SLC2A13: variants seen among roughly 807,000 people sequenced by gnomAD.
The protein encoded by SLC2A13 is solute carrier family 2 member 13.
SLC2A13 carries 32 observed loss-of-function variants against 64.4 expected under a neutral mutation model. The ratio of observed to expected loss-of-function variants is 0.50; its 90% confidence interval spans 0.37 to 0.67. The LOEUF (loss-of-function observed/expected upper bound fraction) is 0.67, where lower values mean the gene tolerates loss of function less well. Among genes scored for constraint, SLC2A13 ranks in the 30% least tolerant of loss-of-function variants. The pLI, the probability that SLC2A13 is intolerant of heterozygous loss-of-function variation, is 0.00. For synonymous variants in SLC2A13, 338 were observed against 327.1 expected (o/e 1.03, Z -0.36); for missense variants, 743 against 829.2 (o/e 0.90, Z 1.28).
rs528415327 is a variant in SLC2A13, at chr12:40,076,550, A to G, written c.557-28340T>C. Among the ~76,000 whole-genome samples the G allele has an allele frequency of 9.5e-4, 145 of 152,236 alleles. 1 individual carries two copies. The highest frequency in any genetic ancestry group is 3.2e-3 in the African/African-American group (132 of 41,552). ...TATGTACATTTTCTTTATCCAGTCC[A>G]CCATTGATGAACATCTAGGTTGATT... On this transcript the variant is annotated intron_variant, in intron 1 of 9. Coordinates refer to ENST00000280871, the MANE Select transcript of SLC2A13 (RefSeq NM_052885.4).
At chr12:40,042,192 A>G (rs1432082279) in intron 2 of SLC2A13, among the ~76,000 whole-genome samples, 2 of 152,268 alleles carry the variant, frequency 1.3e-5, no homozygotes, top group East Asian at 1.9e-4. Context: ...CAGACATTTA[A>G]CAAATGGTTG....
intron 3 of SLC2A13, among the ~76,000 whole-genome samples, chr12:39,997,942 C>T (rs2136177075): frequency 6.6e-6 from 1 of 152,302 alleles, no homozygotes; most frequent in Admixed American, 6.5e-5. Context: ...CTAGTACAAC[C>T]ACTATGGAAA....
intron 1 of SLC2A13, among the ~76,000 whole-genome samples, chr12:40,093,946 CAT>C (rs1210080119): frequency 3.3e-5 from 5 of 151,966 alleles, no homozygotes; most frequent in Middle Eastern, 3.2e-3. Context: ...TTCTGGCTCT[CAT>C]GTGTATAAAA....
chr12:39,760,299 G>C, intron 9 of SLC2A13, 47 bp from the exon 10 acceptor site: 1 of 1,507,750 alleles, frequency 6.6e-7, no homozygotes, highest in Non-Finnish European at 9.0e-7. Flanking sequence ...TATAGAGAGA[G>C]GCTTAAGTTG....
chr12:39,905,698 C>T (rs545060315), intron 4 of SLC2A13, among the ~76,000 whole-genome samples: 1 of 151,792 alleles, frequency 6.6e-6, no homozygotes, highest in East Asian at 1.9e-4. Flanking sequence ...AAACATGCTA[C>T]AGAATCACAC....
At chr12:40,063,762 G>T (rs1948464747) in intron 1 of SLC2A13, among the ~76,000 whole-genome samples, 1 of 152,108 alleles carries the variant, frequency 6.6e-6, no homozygotes, top group African/African-American at 2.4e-5. Flanking sequence ...ATATGTTAAA[G>T]ACTTGACTTC....
chr12:39,951,232 T>C, intron 4 of SLC2A13, 25 bp downstream of exon 4: 1 of 1,589,020 alleles, frequency 6.3e-7, no homozygotes, highest in Non-Finnish European at 8.6e-7. Context: ...ATCTTTTCAG[T>C]AAAAAGCCAG....
At chr12:39,823,119 C>A (rs147528621) in intron 7 of SLC2A13, among the ~76,000 whole-genome samples, 1 of 152,154 alleles carries the variant, frequency 6.6e-6, no homozygotes, top group South Asian at 2.1e-4. Context: ...CATGCAGCTA[C>A]AGATACTAAA....
chr12:39,937,615 T>C (rs1945938786), intron 4 of SLC2A13, among the ~76,000 whole-genome samples: 1 of 152,182 alleles, frequency 6.6e-6, no homozygotes, highest in African/African-American at 2.4e-5. Context: ...TGTTTTCATA[T>C]TTCTAAAGAT....
At chr12:40,068,202 C>A in intron 1 of SLC2A13, 1 of 280,740 alleles carries the variant, frequency 3.6e-6, no homozygotes. Context: ...CAAGGATAAA[C>A]CTCTGGCAAG....
chr12:39,880,192 T>C (rs962593685), intron 4 of SLC2A13, among the ~76,000 whole-genome samples: 9 of 152,218 alleles, frequency 5.9e-5, no homozygotes, highest in African/African-American at 2.2e-4. Context: ...TGTAGAACCA[T>C]AAGCCAAGTA....
intron 7 of SLC2A13, among the ~76,000 whole-genome samples, chr12:39,790,486 T>C (rs1337179728): frequency 6.6e-6 from 1 of 151,082 alleles, no homozygotes; most frequent in African/African-American, 2.4e-5. Flanking sequence ...TTTTTGTTCT[T>C]GTGATAGTTT....
Position 40,028,330 on chromosome 12 carries a change from A to G in SLC2A13, c.896T>C (p.Ile299Thr), listed in dbSNP as rs375574046. The G allele has an allele frequency of 1.2e-6, 2 of 1,613,930 alleles. No individual in the cohort carries two copies. Among genetic ancestry groups the G allele is most frequent in the South Asian group, 1.1e-5 (1 of 91,068 alleles). ...GCCAACCTCTTTTTCCTCCTCTTCA[A>G]TGTTGTTTTTGATGCTATCATATTC... ...DEEYDSIKNN[I>T]EEEEKEVGSA... The change falls in exon 3 of 10, where the codon ATT (isoleucine) becomes ACT (threonine). Residue 299 changes from isoleucine to threonine, a missense_variant. Transcript: ENST00000280871.
At chr12:39,925,788 C>G (rs968602564) in intron 4 of SLC2A13, among the ~76,000 whole-genome samples, 1 of 152,130 alleles carries the variant, frequency 6.6e-6, no homozygotes, top group Non-Finnish European at 1.5e-5. Context: ...CTATATCTGT[C>G]TATATACTGA....
intron 1 of SLC2A13, among the ~76,000 whole-genome samples, chr12:40,054,199 T>G (rs1948301646): frequency 6.6e-6 from 1 of 152,194 alleles, no homozygotes; most frequent in Non-Finnish European, 1.5e-5. Context: ...GCTCTGGTAC[T>G]ATAACTCAAA....
chr12:39,991,056 A>G (rs1947130161), intron 3 of SLC2A13, among the ~76,000 whole-genome samples: 1 of 152,194 alleles, frequency 6.6e-6, no homozygotes, highest in Non-Finnish European at 1.5e-5. Context: ...ACTGGTCCAC[A>G]GAGAAGTTTC....
intron 1 of SLC2A13, among the ~76,000 whole-genome samples, chr12:40,089,458 T>G (rs1412161368): frequency 6.6e-6 from 1 of 152,226 alleles, no homozygotes; most frequent in Non-Finnish European, 1.5e-5. Context: ...GGACAAATTC[T>G]CTGGCAGCTT....
chr12:39,819,659 T>C (rs1942436626), intron 7 of SLC2A13: 1 of 152,232 alleles, frequency 6.6e-6, no homozygotes, highest in Non-Finnish European at 1.5e-5. Flanking sequence ...TAAAATAATT[T>C]TGAAGTATGC....
At chr12:39,968,457 C>T (rs372504358) in intron 3 of SLC2A13, among the ~76,000 whole-genome samples, 1 of 152,036 alleles carries the variant, frequency 6.6e-6, no homozygotes, top group Non-Finnish European at 1.5e-5. Flanking sequence ...CACCTCCCTT[C>T]CAACACAAAG....
Sources: gnomAD v4.1 joint callset for allele counts (sites outside exome capture counted in the v4.1 genomes callset) on GRCh38, gnomAD v4.1.1 for gene constraint, MANE v1.5 for transcripts, NCBI Gene and HGNC (gene_info 2026-07-23, HGNC 2026-07-21) for gene names.